Variants in GMDS observed in about 807,000 individuals in gnomAD.
GMDS encodes GDP-mannose 4,6 dehydratase.
GMDS carries 20 observed loss-of-function variants against 49.9 expected under a neutral mutation model. That is an observed-to-expected ratio of 0.40 (90% CI 0.28 to 0.58). GMDS has a LOEUF of 0.58. GMDS is among the 20% of genes least tolerant of loss of function. The pLI is 0.42. For missense variants in GMDS, 362 were observed against 481.4 expected (o/e 0.75, Z 2.32); for synonymous variants, 177 against 178.6 (o/e 0.99, Z 0.07).
intron 7 of GMDS, among the ~76,000 whole-genome samples, chr6:1,927,446 G>A (rs1170164071): frequency 6.6e-6 from 1 of 152,246 alleles, no homozygotes; most frequent in Non-Finnish European, 1.5e-5. Context: ...CGTGCTGTGT[G>A]CACATGCTGG....
chr6:1,990,759 G>C (rs1225401143), intron 4 of GMDS, among the ~76,000 whole-genome samples: 1 of 145,820 alleles, frequency 6.9e-6, no homozygotes, highest in African/African-American at 2.5e-5. Flanking sequence ...TTTTTTTGGG[G>C]GGGTAGAGGC....
intron 4 of GMDS, among the ~76,000 whole-genome samples, chr6:1,971,712 C>T (rs1441036760): frequency 6.6e-6 from 1 of 152,168 alleles, no homozygotes; most frequent in Non-Finnish European, 1.5e-5. Context: ...ACTGTGGGGG[C>T]CATGGCTTTC....
At chr6:1,650,131 GCCT>G (rs1169036189) in intron 9 of GMDS, among the ~76,000 whole-genome samples, 1 of 152,142 alleles carries the variant, frequency 6.6e-6, no homozygotes, top group African/African-American at 2.4e-5. Flanking sequence ...CTCTGAGATG[GCCT>G]CCTTTTCCTT....
At chr6:1,818,650 C>T (rs749560710) in intron 7 of GMDS, among the ~76,000 whole-genome samples, 1 of 148,386 alleles carries the variant, frequency 6.7e-6, no homozygotes, top group Admixed American at 6.7e-5. Flanking sequence ...AGAAGAAAGG[C>T]TAACTATCTG....
intron 4 of GMDS, among the ~76,000 whole-genome samples, chr6:2,097,369 G>A (rs773058993): frequency 6.6e-6 from 1 of 152,136 alleles, no homozygotes; most frequent in Non-Finnish European, 1.5e-5. Context: ...AGATGGTGGT[G>A]CGGGGGTGGC....
At position 2,200,821 on chromosome 6, in the gene GMDS, G is replaced by A. The variant is rs532671837; in HGVS notation, c.102+44500C>T. On this transcript the variant is annotated intron_variant, in intron 1 of 10. Coordinates refer to ENST00000380815, the MANE Select transcript of GMDS (RefSeq NM_001500.4). Reference sequence around the variant, plus strand: ...AAGACAGAGCACCAAATGGGCATCCGAGATGTAACCATCTAGGCAGTGAGG... The same window carrying A: ...AAGACAGAGCACCAAATGGGCATCCAAGATGTAACCATCTAGGCAGTGAGG... Among the ~76,000 whole-genome samples the A allele has an allele frequency of 5.5e-5, 8 of 146,038 alleles. No homozygotes were observed. The Middle Eastern group carries it at 0.011, about 194-fold the overall frequency.
chr6:2,206,219 T>C (rs1057124029), intron 1 of GMDS, among the ~76,000 whole-genome samples: 18 of 151,716 alleles, frequency 1.2e-4, no homozygotes, highest in African/African-American at 4.4e-4. Context: ...GATCACACCA[T>C]TGCACTCCAA....
intron 7 of GMDS, among the ~76,000 whole-genome samples, chr6:1,880,284 C>CA (rs34490393): frequency 0.32 from 18,360 of 58,272 alleles, 1,780 homozygotes; most frequent in Non-Finnish European, 0.32. Flanking sequence ...CTCATTTCCA[C>CA]AAAAAAAAAA....
chr6:1,756,001 A>C (rs902828945), intron 7 of GMDS, among the ~76,000 whole-genome samples: 1 of 152,240 alleles, frequency 6.6e-6, no homozygotes, highest in African/African-American at 2.4e-5. Flanking sequence ...AAAATTTTGC[A>C]ATCTATCCAT....
Position 2,018,846 on chromosome 6 carries a change from ATATC to A in GMDS, c.346-57884_346-57881del, listed in dbSNP as rs371818606. Among the ~76,000 whole-genome samples, 647 of 152,232 alleles carry A rather than the reference ATATC, an allele frequency of 4.3e-3. 7 individuals carry two copies. Among genetic ancestry groups the A allele is most frequent in the Middle Eastern group, 0.037 (11 of 294 alleles). ...ATGCATTTTAATTTCTTTGGGGTAT[ATATC>A]TAGGGATGGAATTGCTGGGGTACAT... On this transcript the variant is annotated intron_variant, in intron 4 of 10. Transcript: ENST00000380815.
At chr6:2,033,615 A>T (rs1299666608) in intron 4 of GMDS, among the ~76,000 whole-genome samples, 2 of 152,254 alleles carry the variant, frequency 1.3e-5, no homozygotes, top group South Asian at 4.1e-4. Context: ...GAATATAAGA[A>T]GGCTTCTGGA....
At chr6:1,739,533 C>A (rs1767178064) in intron 8 of GMDS, among the ~76,000 whole-genome samples, 1 of 152,270 alleles carries the variant, frequency 6.6e-6, no homozygotes, top group Admixed American at 6.5e-5. Context: ...ATCCCAGAAT[C>A]CTCACACCCT....
At chr6:1,633,255 A>C (rs1300869824) in intron 9 of GMDS, among the ~76,000 whole-genome samples, 1 of 152,158 alleles carries the variant, frequency 6.6e-6, no homozygotes, top group African/African-American at 2.4e-5. Context: ...CTGCACCCCA[A>C]CCCTTCCTCT....
At chr6:2,043,314 T>C (rs1769798717) in intron 4 of GMDS, 1 of 152,254 alleles carries the variant, frequency 6.6e-6, no homozygotes, top group Non-Finnish European at 1.5e-5. Flanking sequence ...AGCAATCTTG[T>C]AGGAAAAGCA....
chr6:2,207,242 C>T (rs1779847174), intron 1 of GMDS, among the ~76,000 whole-genome samples: 1 of 151,806 alleles, frequency 6.6e-6, no homozygotes, highest in Non-Finnish European at 1.5e-5. Flanking sequence ...GCTGGAGCTC[C>T]AGACATCACA....
At chr6:1,977,717 G>A (rs1037457086) in intron 4 of GMDS, among the ~76,000 whole-genome samples, 1 of 152,162 alleles carries the variant, frequency 6.6e-6, no homozygotes, top group African/African-American at 2.4e-5. Flanking sequence ...TGTGACACTG[G>A]GAAAGCATGC....
intron 9 of GMDS, among the ~76,000 whole-genome samples, chr6:1,706,348 T>G (rs1444027372): frequency 6.6e-6 from 1 of 152,142 alleles, no homozygotes; most frequent in Non-Finnish European, 1.5e-5. Context: ...TAGTGACTGA[T>G]CAGAGGTGGG....
chr6:2,098,755 C>T (rs1450568816), intron 4 of GMDS, among the ~76,000 whole-genome samples: 2 of 152,042 alleles, frequency 1.3e-5, no homozygotes, highest in Non-Finnish European at 2.9e-5. Context: ...TATGAAATGC[C>T]ACTAAATTGA....
chr6:1,917,744 T>C (rs1397056358), intron 7 of GMDS, among the ~76,000 whole-genome samples: 1 of 152,202 alleles, frequency 6.6e-6, no homozygotes, highest in Non-Finnish European at 1.5e-5. Context: ...GTGGACTTGG[T>C]GACAGAATGC....
Sources: gnomAD v4.1 joint callset for allele counts (sites outside exome capture counted in the v4.1 genomes callset) on GRCh38, gnomAD v4.1.1 for gene constraint, MANE v1.5 for transcripts, NCBI Gene and HGNC (gene_info 2026-07-23, HGNC 2026-07-21) for gene names.